Variants in SEH1L observed in about 807,000 individuals in gnomAD.
The protein encoded by SEH1L is SEH1 like nucleoporin.
In SEH1L, 18 loss-of-function variants were observed where a neutral mutation model predicts 49.5. That is an observed-to-expected ratio of 0.36 (90% CI 0.25 to 0.54). SEH1L has a LOEUF of 0.54. SEH1L is among the 20% of genes least tolerant of loss of function. SEH1L has a pLI of 0.87. For missense variants in SEH1L, 404 were observed against 528.8 expected (o/e 0.76, Z 2.31); for synonymous variants, 169 against 178.1 (o/e 0.95, Z 0.41).
At chr18:12,978,688 A>C (rs759023840) in intron 5 of SEH1L, 64 bp from the exon 6 acceptor site, 33 of 1,358,892 alleles carry the variant, frequency 2.4e-5, no homozygotes, top group Non-Finnish European at 3.2e-5. Flanking sequence ...GGTGAGATGC[A>C]GTGATGTGTG....
intron 6 of SEH1L, among the ~76,000 whole-genome samples, chr18:12,980,011 C>A (rs1426465039): frequency 1.4e-4 from 20 of 138,646 alleles, no homozygotes; most frequent in Non-Finnish European, 1.7e-4. Flanking sequence ...CTGACCCCCC[C>A]ACCTCCCTCC....
At chr18:12,978,646 G>C (rs67538562) in intron 5 of SEH1L, 106 bp from the exon 6 acceptor site, 101,739 of 869,018 alleles carry the variant, frequency 0.12, 6,905 homozygotes, top group East Asian at 0.23. Context: ...ACAGAGGTGA[G>C]CACTACATGA....
In SEH1L at chr18:12,948,076, T is replaced by C. The variant is rs960331800; in HGVS notation, c.-46T>C. 1.0e-5 allele frequency: 15 copies of C among 1,484,336 alleles called. No individual in the cohort carries two copies. The highest frequency in any genetic ancestry group is 1.8e-5 in the Admixed American group (1 of 56,632). The allele number at this position is 1,484,336 out of a possible 1,614,324, so 91.9% of individuals were successfully genotyped here. ...GCTACGGGCCACGCGCCGCCGCCGC[T>C]GCCGCCGCCACTGTCCTCTTCGGAG... On this transcript the variant is annotated 5_prime_UTR_variant, in exon 1 of 9. Coordinates refer to ENST00000399892, the MANE Select transcript of SEH1L (RefSeq NM_001013437.2).
Position 12,949,442 on chromosome 18 carries a change from GTTTTTTTTTTTTTT to G in SEH1L, c.111+1225_111+1238del, listed in dbSNP as rs71174155. On this transcript the variant is annotated intron_variant, in intron 1 of 8. Coordinates refer to ENST00000399892, the MANE Select transcript of SEH1L (RefSeq NM_001013437.2). ...TTTGTTGTAATAAACTACGTTAACC[GTTTTTTTTTTTTTT>G]TTTTTTTTTTTTTTGAGACGGAGTC... is the stretch of plus-strand genomic sequence containing the variant. Among the ~76,000 whole-genome samples the G allele has an allele frequency of 1.9e-4, 10 of 51,798 alleles. No individual in the cohort carries two copies. The South Asian group carries it at 2.6e-3, about 13-fold the overall frequency. The allele number at this position is 51,798 out of a possible 152,430, so 34.0% of individuals were successfully genotyped here.
chr18:12,951,626 G>A (rs2030534376), intron 1 of SEH1L, among the ~76,000 whole-genome samples: 1 of 152,210 alleles, frequency 6.6e-6, no homozygotes, highest in Non-Finnish European at 1.5e-5. Context: ...CCTGACCTCA[G>A]GTGATCCGTT....
At chr18:12,971,435 C>G in intron 5 of SEH1L, 184 bp downstream of exon 5, 1 of 421,892 alleles carries the variant, frequency 2.4e-6, no homozygotes, top group Non-Finnish European at 4.3e-6. Flanking sequence ...AGAAAGTAGA[C>G]CAGCCTGGCC....
chr18:12,961,938 T>G (rs2031196210), intron 3 of SEH1L, among the ~76,000 whole-genome samples: 1 of 152,122 alleles, frequency 6.6e-6, no homozygotes, highest in Non-Finnish European at 1.5e-5. Context: ...AGTGCTGGGA[T>G]TACAGGCGTG....
chr18:12,964,227 T>A (rs2031328799), intron 4 of SEH1L, among the ~76,000 whole-genome samples: 1 of 152,136 alleles, frequency 6.6e-6, no homozygotes. Context: ...ATTGAAATAA[T>A]CCATAAGAAT....
intron 3 of SEH1L, among the ~76,000 whole-genome samples, chr18:12,958,160 T>C (rs1452845355): frequency 3.7e-5 from 5 of 134,662 alleles, no homozygotes; most frequent in African/African-American, 1.4e-4. Context: ...CTCGGCTTAC[T>C]GCATTCTCCG....
At chr18:12,964,975 T>G (rs1173820018) in intron 4 of SEH1L, among the ~76,000 whole-genome samples, 1 of 150,910 alleles carries the variant, frequency 6.6e-6, no homozygotes, top group African/African-American at 2.4e-5. Flanking sequence ...AGTTTATTGC[T>G]TCCCCCTCAC....
Position 12,959,836 on chromosome 18 carries a change from T to C in SEH1L, c.310-3324T>C, listed in dbSNP as rs1043087117. Among the ~76,000 whole-genome samples, 4 of 152,222 alleles carry C rather than the reference T, an allele frequency of 2.6e-5. No individual in the cohort carries two copies. The East Asian group carries it at 5.8e-4, about 22-fold the overall frequency. On this transcript the variant is annotated intron_variant, in intron 3 of 8. Coordinates refer to ENST00000399892, the MANE Select transcript of SEH1L (RefSeq NM_001013437.2). ...CCAATGTTTTCTTCTAAGATTGTTATAGAATCCTCAATTCAGGCTTGTATC... is the reference window on the plus strand; with the variant it reads ...CCAATGTTTTCTTCTAAGATTGTTACAGAATCCTCAATTCAGGCTTGTATC...
chr18:12,982,381 A>C lies in SEH1L; in HGVS notation c.762-137A>C, dbSNP rs1270104221. The C allele has an allele frequency of 6.9e-6, 4 of 581,818 alleles. No individual in the cohort carries two copies. The African/African-American group carries it at 7.6e-5, about 11-fold the overall frequency. 36.0% of individuals were successfully genotyped at this position (581,818 alleles called of 1,614,324 possible). A position where few individuals can be genotyped will look rare whatever the true frequency, so the allele number is the denominator to read the frequency against. The stretch of plus-strand genomic sequence containing the variant: ...GTGTGGGGTTTGGGCAGATGTGCAC[A>C]TTATTATAAAGTGATGTGGTGGCGA... On this transcript the variant is annotated intron_variant, in intron 6 of 8. Coordinates refer to ENST00000399892, the MANE Select transcript of SEH1L (RefSeq NM_001013437.2).
chr18:12,967,466 C>CA (rs2031500773), intron 4 of SEH1L, among the ~76,000 whole-genome samples: 1 of 152,094 alleles, frequency 6.6e-6, no homozygotes, highest in Non-Finnish European at 1.5e-5. Context: ...TTAAAAAACA[C>CA]AAAAATGTGA....
Position 12,984,311 on chromosome 18 carries a change from A to G in SEH1L, c.1070+121A>G, listed in dbSNP as rs1056469560. 2.7e-5 allele frequency: 28 copies of G among 1,048,406 alleles called. No homozygotes were observed. The African/African-American group carries it at 3.4e-4, about 13-fold the overall frequency. 64.9% of individuals were successfully genotyped at this position (1,048,406 alleles called of 1,614,324 possible). A position where few individuals can be genotyped will look rare whatever the true frequency, so the allele number is the denominator to read the frequency against. ...AGTGGAAATGTTCACATGTGCTTGT[A>G]TTAGCATTTAAGAATTCATTTTGTT... On this transcript the variant is annotated intron_variant, in intron 8 of 8. Coordinates refer to ENST00000399892, the MANE Select transcript of SEH1L (RefSeq NM_001013437.2).
At chr18:12,950,047 T>C (rs1366141723) in intron 1 of SEH1L, among the ~76,000 whole-genome samples, 1 of 152,076 alleles carries the variant, frequency 6.6e-6, no homozygotes, top group Non-Finnish European at 1.5e-5. Context: ...TTTTCCTTTT[T>C]TTTTGAGGCA....
intron 4 of SEH1L, among the ~76,000 whole-genome samples, chr18:12,966,628 C>A (rs1281533790): frequency 3.3e-5 from 5 of 152,132 alleles, no homozygotes; most frequent in African/African-American, 1.2e-4. Context: ...TGTTGAACTC[C>A]TGGACTCAAG....
chr18:12,953,936 A>G (rs2030700421), intron 2 of SEH1L, among the ~76,000 whole-genome samples: 1 of 152,216 alleles, frequency 6.6e-6, no homozygotes. Flanking sequence ...TGTGATGAGC[A>G]TCTTTGTGCA....
At chr18:12,959,582 G>T (rs1283860892) in intron 3 of SEH1L, among the ~76,000 whole-genome samples, 1 of 152,146 alleles carries the variant, frequency 6.6e-6, no homozygotes, top group African/African-American at 2.4e-5. Context: ...GGAGTTTGGA[G>T]CATTTCAGAT....
At chr18:12,951,703 CTTAA>C (rs2145603278) in intron 1 of SEH1L, 148 bp from the exon 2 acceptor site, 2 of 559,588 alleles carry the variant, frequency 3.6e-6, no homozygotes, top group Non-Finnish European at 6.4e-6. Flanking sequence ...TCAATAAATA[CTTAA>C]TTGAATGAAT....
Sources: gnomAD v4.1 joint callset for allele counts (sites outside exome capture counted in the v4.1 genomes callset) on GRCh38, gnomAD v4.1.1 for gene constraint, MANE v1.5 for transcripts, NCBI Gene and HGNC (gene_info 2026-07-23, HGNC 2026-07-21) for gene names.